Variants in MIS18A observed in about 807,000 individuals in gnomAD.
MIS18A encodes the protein MIS18 kinetochore protein A, also known as protein Mis18-alpha.
Under a neutral mutation model 25.0 loss-of-function variants are expected in MIS18A, and 14 were observed. The observed-to-expected ratio is 0.56, with a 90% CI of 0.37 to 0.88. The LOEUF (loss-of-function observed/expected upper bound fraction) is 0.88. Ranked by LOEUF, MIS18A falls within the 40% of genes least tolerant of loss-of-function variation. The pLI, the probability that MIS18A is intolerant of heterozygous loss-of-function variation, is 0.00. For missense variants in MIS18A, 292 were observed against 290.8 expected (o/e 1.00, Z -0.03); for synonymous variants, 134 against 118.6 (o/e 1.13, Z -0.84).
the MIS18A span, among the ~76,000 whole-genome samples, chr21:32,186,576 C>T: frequency 9.8e-5 from 15 of 152,290 alleles, no homozygotes; most frequent in East Asian, 2.1e-3. Context: ...AAAGTTTATG[C>T]TTCAGTTGCA....
At chr21:32,211,692 T>C in the MIS18A span, among the ~76,000 whole-genome samples, 1 of 152,220 alleles carries the variant, frequency 6.6e-6, no homozygotes, top group Non-Finnish European at 1.5e-5. Context: ...AACTTCTCAT[T>C]GGTAGTTTCT....
the MIS18A span, among the ~76,000 whole-genome samples, chr21:32,173,863 CTG>C: frequency 1.3e-4 from 20 of 150,632 alleles, no homozygotes; most frequent in African/African-American, 4.9e-4. Flanking sequence ...TTGCAAAACT[CTG>C]TGGATATACT....
At position 32,278,880 on chromosome 21, in the gene MIS18A, C is replaced by G. The variant is rs2123475169; in HGVS notation, c.135G>C (p.Leu45Phe). 1 of 1,613,590 alleles carries G rather than the reference C, an allele frequency of 6.2e-7. No homozygotes were observed. Among genetic ancestry groups the G allele is most frequent in the African/African-American group, 1.3e-5 (1 of 75,068 alleles). The change falls in exon 1 of 5, where the codon TTG (leucine) becomes TTC (phenylalanine). Residue 45 changes from leucine (L) to phenylalanine (F), a missense_variant. Leu to Phe is a conservative substitution (Grantham distance 22). Transcript: ENST00000290130. The stretch of plus-strand genomic sequence containing the variant: ...AGCTCCACATGCTCGCCCACTTCTG[C>G]AACAGCTGGTGGCGGCTCGAGTCTT... ...LSEDSSRHQL[L>F]QKWASMWSSM...
the MIS18A span, among the ~76,000 whole-genome samples, chr21:32,195,542 G>T: frequency 1.3e-5 from 2 of 152,204 alleles, no homozygotes; most frequent in Admixed American, 6.5e-5. Context: ...GTTTTCCAGG[G>T]ATAGGCACTT....
chr21:32,270,829 G>A (rs2031700941), intron 2 of MIS18A, among the ~76,000 whole-genome samples: 1 of 152,154 alleles, frequency 6.6e-6, no homozygotes, highest in South Asian at 2.1e-4. Flanking sequence ...TAACAAAGTG[G>A]AGAATAAATA....
chr21:32,242,998 C>T, the MIS18A span, among the ~76,000 whole-genome samples: 8 of 152,064 alleles, frequency 5.3e-5, no homozygotes, highest in African/African-American at 1.2e-4. Flanking sequence ...AGGTGAAAAG[C>T]GATTCACTGG....
the MIS18A span, among the ~76,000 whole-genome samples, chr21:32,183,554 C>T: frequency 6.6e-6 from 1 of 152,184 alleles, no homozygotes; most frequent in Non-Finnish European, 1.5e-5. Flanking sequence ...CCTTTCCAAA[C>T]AACCCCCTCC....
the MIS18A span, among the ~76,000 whole-genome samples, chr21:32,223,304 C>G: frequency 6.6e-6 from 1 of 150,550 alleles, no homozygotes; most frequent in Admixed American, 6.6e-5. Flanking sequence ...GATAGAGACA[C>G]AAAAAACCCT....
At chr21:32,204,552 C>G in the MIS18A span, among the ~76,000 whole-genome samples, 3 of 151,262 alleles carry the variant, frequency 2.0e-5, no homozygotes, top group Non-Finnish European at 4.4e-5. Context: ...GGGAAAAAAT[C>G]CAAAGGTACA....
At chr21:32,209,873 C>T in the MIS18A span, among the ~76,000 whole-genome samples, 8 of 152,266 alleles carry the variant, frequency 5.3e-5, no homozygotes, top group Non-Finnish European at 1.0e-4. Context: ...CTGAGGCCTC[C>T]GCAACCCTGT....
chr21:32,205,261 C>T, the MIS18A span, among the ~76,000 whole-genome samples: 3 of 151,778 alleles, frequency 2.0e-5, no homozygotes, highest in Non-Finnish European at 2.9e-5. Context: ...CCTGCCACCA[C>T]GCCCGGCTAA....
the MIS18A span, among the ~76,000 whole-genome samples, chr21:32,160,694 T>C: frequency 4.6e-5 from 7 of 151,546 alleles, no homozygotes; most frequent in Non-Finnish European, 8.8e-5. Context: ...TGCAATGGCG[T>C]GATCTCAGCT....
the MIS18A span, among the ~76,000 whole-genome samples, chr21:32,262,065 A>G: frequency 6.6e-6 from 1 of 152,256 alleles, no homozygotes; most frequent in African/African-American, 2.4e-5. Context: ...GCACAGAAGG[A>G]AGGCACTAGG....
chr21:32,162,318 C>T, the MIS18A span, among the ~76,000 whole-genome samples: 2 of 152,196 alleles, frequency 1.3e-5, no homozygotes, highest in Non-Finnish European at 2.9e-5. Context: ...ACTTCCTACT[C>T]CAGGCATGGG....
intron 2 of MIS18A, among the ~76,000 whole-genome samples, chr21:32,273,358 G>A (rs1272882201): frequency 1.3e-5 from 2 of 151,902 alleles, no homozygotes; most frequent in Non-Finnish European, 2.9e-5. Flanking sequence ...AAGAGGTTGG[G>A]GTAGGGCCAA....
chr21:32,183,031 G>T, the MIS18A span, among the ~76,000 whole-genome samples: 210 of 152,298 alleles, frequency 1.4e-3, 1 homozygote, highest in African/African-American at 4.9e-3. Flanking sequence ...TGATCAAAGG[G>T]TTTATAAGTA....
chr21:32,274,767 C>T (rs2031779128), intron 2 of MIS18A, 63 bp downstream of exon 2: 2 of 1,325,924 alleles, frequency 1.5e-6, no homozygotes, highest in South Asian at 1.3e-5. Context: ...TAGTAATGAC[C>T]TTTTAAAGAT....
the MIS18A span, among the ~76,000 whole-genome samples, chr21:32,198,012 C>T: frequency 6.6e-6 from 1 of 152,226 alleles, no homozygotes; most frequent in Non-Finnish European, 1.5e-5. Flanking sequence ...GAACAGGTGT[C>T]AAGCATTATC....
the MIS18A span, among the ~76,000 whole-genome samples, chr21:32,159,992 G>A: frequency 1.3e-5 from 2 of 152,194 alleles, no homozygotes; most frequent in Non-Finnish European, 2.9e-5. Flanking sequence ...GAGAAGGAAG[G>A]AAGGAAAACC....
Sources: allele counts gnomAD v4.1 joint callset (sites outside exome capture counted in the v4.1 genomes callset), GRCh38; gene constraint gnomAD v4.1.1; transcripts MANE v1.5; gene names NCBI Gene and HGNC (gene_info 2026-07-23, HGNC 2026-07-21).